ITGAL: variants seen among roughly 807,000 people sequenced by gnomAD.
ITGAL encodes integrin subunit alpha L, also known as integrin alpha-L.
In ITGAL, 68 loss-of-function variants were observed where a neutral mutation model predicts 138.4. The ratio of observed to expected loss-of-function variants is 0.49; its 90% CI spans 0.40 to 0.60. ITGAL has a LOEUF of 0.60. Ranked by LOEUF, ITGAL falls within the 20% of genes least tolerant of loss-of-function variation. The pLI is 0.00. For synonymous variants in ITGAL, 561 were observed against 584.3 expected (o/e 0.96, Z 0.57); for missense variants, 1,256 against 1,478.6 (o/e 0.85, Z 2.47).
chr16:30,508,050 A>G lies in ITGAL; in HGVS notation c.2508+1194A>G, dbSNP rs2051031109. On this transcript the variant is annotated intron_variant, in intron 21 of 30. Coordinates refer to ENST00000356798, the MANE Select transcript of ITGAL (RefSeq NM_002209.3). The stretch of plus-strand genomic sequence containing the variant: ...CAGCCTCCCGAGTAGCCGGGACTAC[A>G]GGCGCCCACCACCACGCCCAGCTAA... 5.4e-5 allele frequency among the ~76,000 whole-genome samples: 8 copies of G among 149,026 alleles called. No homozygotes were observed. The South Asian group carries it at 1.7e-3, about 32-fold the overall frequency.
chr16:30,517,324 G>T (rs1345501677), intron 26 of ITGAL, among the ~76,000 whole-genome samples: 3 of 152,152 alleles, frequency 2.0e-5, no homozygotes, highest in African/African-American at 7.2e-5. Context: ...CATGCATGGT[G>T]GCCCGTGCCC....
chr16:30,497,622 A>G (rs570756960), intron 15 of ITGAL, among the ~76,000 whole-genome samples: 21 of 151,690 alleles, frequency 1.4e-4, no homozygotes, highest in Admixed American at 1.3e-3. Context: ...GATCACAGGC[A>G]TGCACCACCA....
intron 1 of ITGAL, among the ~76,000 whole-genome samples, chr16:30,473,689 G>A (rs1354384153): frequency 6.6e-6 from 1 of 152,184 alleles, no homozygotes; most frequent in African/African-American, 2.4e-5. Context: ...GCTGACTGAG[G>A]GGGAAGGGAG....
intron 2 of ITGAL, 73 bp downstream of exon 2, chr16:30,474,371 C>G: frequency 2.9e-6 from 3 of 1,037,312 alleles, no homozygotes; most frequent in South Asian, 1.4e-5. Context: ...GCCGCCTCCC[C>G]GACCCTCGCC....
Position 30,521,655 on chromosome 16 carries a change from G to C in ITGAL, c.3503G>C (p.Gly1168Ala). Reference protein sequence around the residue: ...LHEKDSESGGGKD With the variant: ...LHEKDSESGGAKD ...GAGAAGGACTCTGAGAGTGGTGGTG[G>C]CAAGGACTGAGTCCAGGCCTGTGAG... Residue 1168 changes from glycine to alanine, a missense_variant, in exon 31 of 31, where the codon GGC becomes GCC. Around this residue, in one of 3 missense-constraint regions of ITGAL, gnomAD observed 867 missense variants for 972.5 expected, o/e 0.89. Transcript: ENST00000356798. 1 of 1,613,756 alleles carries C rather than the reference G, an allele frequency of 6.2e-7. No homozygotes were observed. The highest frequency in any genetic ancestry group is 8.5e-7 in the Non-Finnish European group (1 of 1,179,986).
At position 30,518,632 on chromosome 16, in the gene ITGAL, C is replaced by T; in HGVS notation, c.3141C>T (p.Ser1047=). Residue 1047 remains serine, a synonymous_variant, in exon 29 of 31, where the codon TCC becomes TCT. Coordinates refer to ENST00000356798, the MANE Select transcript of ITGAL (RefSeq NM_002209.3). ...TTTCCCCGCTCCCACAGGCCTCTTCCATGTTCAGCCTCTGCAGCTCCCTCT... is the reference window on the plus strand; with the variant it reads ...TTTCCCCGCTCCCACAGGCCTCTTCTATGTTCAGCCTCTGCAGCTCCCTCT... ...LELVGEIEAS[S]MFSLCSSLSI... 4 of 1,613,506 alleles carry T rather than the reference C, an allele frequency of 2.5e-6. No individual in the cohort carries two copies. The highest frequency in any genetic ancestry group is 3.4e-6 in the Non-Finnish European group (4 of 1,179,454).
chr16:30,505,006 G>A (rs2050964054), intron 18 of ITGAL: 3 of 318,192 alleles, frequency 9.4e-6, no homozygotes, highest in Non-Finnish European at 1.7e-5. Context: ...GGGCAACAGA[G>A]TAAGACAGTC....
intron 2 of ITGAL, chr16:30,474,534 C>G: frequency 1.9e-6 from 1 of 539,686 alleles, no homozygotes; most frequent in Non-Finnish European, 3.4e-6. Context: ...GGATCCCAGC[C>G]CCAAAACACT....
chr16:30,506,695 T>G lies in ITGAL; in HGVS notation c.2367-20T>G. ...ACCCTGATCCTCCCTCCTCCATCTT[T>G]CCCTGATCATCCCCCACAGATCCAG... On this transcript the variant is annotated intron_variant, in intron 20 of 30. Transcript: ENST00000356798. 6.3e-7 allele frequency: 1 copy of G among 1,598,094 alleles called. No homozygotes were observed. The highest frequency in any genetic ancestry group is 8.5e-7 in the Non-Finnish European group (1 of 1,170,330).
rs1329754119 is a variant in ITGAL at position 30,475,569 on chromosome 16, G to A, written c.316G>A (p.Gly106Arg). The A allele has an allele frequency of 6.2e-7, 1 of 1,613,372 alleles. No homozygotes were observed. The change falls in exon 4 of 31, where the codon GGA (glycine) becomes AGA (arginine). Residue 106 changes from glycine (G) to arginine (R), a missense_variant. Physicochemically the swap from Gly to Arg is moderately radical, Grantham distance 125. This residue lies in a region of ITGAL where 212 missense variants were observed against 217.4 expected (regional missense o/e 0.98). Transcript: ENST00000356798. ...GACCTTGGCAACAGACCCCACAGAT[G>A]GAAGCATTTTGGTAAGAATTTTGTG... Reference protein sequence around the residue: ...GMTLATDPTDGSILACDPGLS... With the variant: ...GMTLATDPTDRSILACDPGLS...
chr16:30,475,227 A>T lies in ITGAL; in HGVS notation c.165-79A>T, dbSNP rs1174929392. Reference sequence around the variant, plus strand: ...AGTGCTTGGAGAAATGAGACAGGAGATCTGAACCTCCTTAGCAGGCAGGAG... The same window carrying T: ...AGTGCTTGGAGAAATGAGACAGGAGTTCTGAACCTCCTTAGCAGGCAGGAG... On this transcript the variant is annotated intron_variant, in intron 2 of 30. Transcript: ENST00000356798. The T allele has an allele frequency of 1.4e-5, 14 of 1,006,150 alleles. No homozygotes were observed. The East Asian group carries it at 3.4e-4, about 24-fold the overall frequency. 62.3% of individuals were successfully genotyped at this position (1,006,150 alleles called of 1,614,324 possible).
At chr16:30,507,175 A>T (rs909140320) in intron 21 of ITGAL, among the ~76,000 whole-genome samples, 1 of 151,594 alleles carries the variant, frequency 6.6e-6, no homozygotes, top group Non-Finnish European at 1.5e-5. Context: ...AAATACAAAA[A>T]TGGGCCGGGC....
chr16:30,512,993 G>A (rs1398969930), intron 24 of ITGAL, among the ~76,000 whole-genome samples: 7 of 152,330 alleles, frequency 4.6e-5, no homozygotes, highest in South Asian at 2.1e-4. Context: ...AAGCCACCGC[G>A]CCTGGCCTCC....
chr16:30,474,149 G>T lies in ITGAL; in HGVS notation c.62-47G>T. ...ATCGGCCACCTGCTGGGCACGTGCA[G>T]GGGCGGGGGTCCCTCGGTCGCAGCT... is the stretch of plus-strand genomic sequence containing the variant. On this transcript the variant is annotated intron_variant, in intron 1 of 30. Coordinates refer to ENST00000356798, the MANE Select transcript of ITGAL (RefSeq NM_002209.3). The T allele has an allele frequency of 3.5e-6, 5 of 1,416,902 alleles. No individual in the cohort carries two copies. In the Middle Eastern group the frequency reaches 8.7e-4, roughly 247 times the overall value. The allele number at this position is 1,416,902 out of a possible 1,614,324, so 87.8% of individuals were successfully genotyped here.
At chr16:30,495,832 G>A (rs1022733111) in intron 13 of ITGAL, among the ~76,000 whole-genome samples, 3 of 151,904 alleles carry the variant, frequency 2.0e-5, no homozygotes, top group African/African-American at 7.3e-5. Context: ...CTGTGCGACA[G>A]AGCAAGACTC....
rs1387344173 is a variant in ITGAL, at chr16:30,521,812, A to G, written c.*147A>G. The G allele has an allele frequency of 2.7e-6, 2 of 748,568 alleles. No homozygotes were observed. Among genetic ancestry groups the G allele is most frequent in the Non-Finnish European group, 4.2e-6 (2 of 474,520 alleles). 46.4% of individuals were successfully genotyped at this position (748,568 alleles called of 1,614,324 possible). On this transcript the variant is annotated 3_prime_UTR_variant, in exon 31 of 31. Coordinates refer to ENST00000356798, the MANE Select transcript of ITGAL (RefSeq NM_002209.3). ...TTTCCCTATCTCGAACATGGAACTC[A>G]TTCCTGCCTGTCTCCTTTGCAGGCT... is the stretch of plus-strand genomic sequence containing the variant.
intron 5 of ITGAL, 57 bp downstream of exon 5, chr16:30,479,265 G>A (rs2050519574): frequency 6.2e-7 from 1 of 1,613,146 alleles, no homozygotes; most frequent in Non-Finnish European, 8.5e-7. Flanking sequence ...TCCCTAGAGA[G>A]AACCAGCATG....
At chr16:30,481,400 G>T (rs767373331) in intron 6 of ITGAL, 39 bp from the exon 7 acceptor site, 5 of 1,446,628 alleles carry the variant, frequency 3.5e-6, no homozygotes, top group Middle Eastern at 1.8e-4. Flanking sequence ...AATGGAAAGG[G>T]ATATATAACT....
chr16:30,485,111 T>A (rs1031215557), intron 9 of ITGAL, among the ~76,000 whole-genome samples: 2 of 151,788 alleles, frequency 1.3e-5, no homozygotes, highest in Admixed American at 6.6e-5. Flanking sequence ...TTTCTCTTCC[T>A]TCTTTCTCTC....
Sources: gnomAD v4.1 joint callset for allele counts (sites outside exome capture counted in the v4.1 genomes callset) on GRCh38, gnomAD v4.1.1 for gene constraint, gnomAD v4.1.1 regional missense constraint, MANE v1.5 for transcripts, NCBI Gene and HGNC (gene_info 2026-07-23, HGNC 2026-07-21) for gene names.